Variants in KCNQ5 observed in about 807,000 individuals in gnomAD.
KCNQ5 encodes potassium voltage-gated channel subfamily Q member 5, also known as potassium voltage-gated channel subfamily KQT member 5.
Under a neutral mutation model 98.2 loss-of-function variants are expected in KCNQ5, and 30 were observed. The ratio of observed to expected loss-of-function variants is 0.31; its 90% CI spans 0.23 to 0.41. The LOEUF (loss-of-function observed/expected upper bound fraction) is 0.41. KCNQ5 is among the 10% of genes least tolerant of loss of function. KCNQ5 has a pLI of 1.00. For missense variants in KCNQ5, 835 were observed against 1,182.5 expected (o/e 0.71, Z 4.31); for synonymous variants, 458 against 449.4 (o/e 1.02, Z -0.24).
chr6:72,773,866 TA>T lies in KCNQ5; in HGVS notation c.398+151280del, dbSNP rs764319602. Among the ~76,000 whole-genome samples, 151 of 152,130 alleles carry T rather than the reference TA, an allele frequency of 9.9e-4. 1 individual carries two copies. The highest frequency in any genetic ancestry group is 3.4e-4 in the Non-Finnish European group (23 of 68,032). On this transcript the variant is annotated intron_variant, in intron 1 of 13. Transcript: ENST00000370398. ...ATATTACAAAATATAAGACCTATTATAGAACTGTAGCATTTAAGATAGTGTA... is the reference window on the plus strand; with the variant it reads ...ATATTACAAAATATAAGACCTATTATGAACTGTAGCATTTAAGATAGTGTA...
At chr6:72,737,086 A>G (rs9293905) in intron 1 of KCNQ5, among the ~76,000 whole-genome samples, 56,570 of 151,800 alleles carry the variant, frequency 0.37, 13,985 homozygotes, top group African/African-American at 0.67. Flanking sequence ...TCAGCCTCCC[A>G]AGTAGCTGGG....
chr6:72,980,507 T>G (rs1202741611), intron 1 of KCNQ5, among the ~76,000 whole-genome samples: 1 of 152,198 alleles, frequency 6.6e-6, no homozygotes, highest in Non-Finnish European at 1.5e-5. Flanking sequence ...ATGCTTGTGA[T>G]TTTTGCACAT....
At chr6:73,003,006 T>C (rs1769655380) in intron 1 of KCNQ5, among the ~76,000 whole-genome samples, 1 of 152,116 alleles carries the variant, frequency 6.6e-6, no homozygotes. Context: ...GCTTACTATA[T>C]GAATTTCCCA....
At chr6:72,757,388 G>C (rs2092199045) in intron 1 of KCNQ5, among the ~76,000 whole-genome samples, 2 of 152,134 alleles carry the variant, frequency 1.3e-5, no homozygotes, top group African/African-American at 4.8e-5. Context: ...ATGGGGTTAT[G>C]TCCAGATAAA....
chr6:73,194,367 T>G (rs1028908397), intron 13 of KCNQ5, 85 bp from the exon 14 acceptor site: 2 of 1,247,698 alleles, frequency 1.6e-6, no homozygotes, highest in African/African-American at 1.5e-5. Flanking sequence ...TTGGCACACC[T>G]TGACTTCATT....
intron 1 of KCNQ5, among the ~76,000 whole-genome samples, chr6:72,935,059 T>C (rs1765847420): frequency 6.6e-6 from 1 of 150,750 alleles, no homozygotes; most frequent in Non-Finnish European, 1.5e-5. Flanking sequence ...TTGGCCTTGT[T>C]CTATCTTTTT....
intron 1 of KCNQ5, among the ~76,000 whole-genome samples, chr6:72,658,327 C>T (rs1165448064): frequency 6.6e-6 from 1 of 151,482 alleles, no homozygotes; most frequent in Non-Finnish European, 1.5e-5. Context: ...GTCACCCAGG[C>T]TGGAGTGCAG....
chr6:73,169,883 C>G lies in KCNQ5; in HGVS notation c.1577+29C>G, dbSNP rs117087544. The G allele has an allele frequency of 1.9e-5, 25 of 1,335,080 alleles. No individual in the cohort carries two copies. The East Asian group carries it at 4.4e-4, about 23-fold the overall frequency. The allele number at this position is 1,335,080 out of a possible 1,614,324, so 82.7% of individuals were successfully genotyped here. A position where few individuals can be genotyped will look rare whatever the true frequency, so the allele number is the denominator to read the frequency against. Reference sequence around the variant, plus strand: ...GGTGAAAATCTTGAACAACGTGATTCAGAGACATACTTATGATTAATTGAA... The same window carrying G: ...GGTGAAAATCTTGAACAACGTGATTGAGAGACATACTTATGATTAATTGAA... On this transcript the variant is annotated intron_variant, in intron 11 of 13. Coordinates refer to ENST00000370398, the MANE Select transcript of KCNQ5 (RefSeq NM_019842.4).
At chr6:73,093,827 A>G (rs1819732) in intron 5 of KCNQ5, among the ~76,000 whole-genome samples, 151,088 of 152,202 alleles carry the variant, frequency 0.99, 75,001 homozygotes, top group Middle Eastern at 1. Flanking sequence ...GTGGCCTGTC[A>G]TATGGTCTAC....
intron 3 of KCNQ5, among the ~76,000 whole-genome samples, chr6:73,073,225 C>T (rs1195509951): frequency 1.3e-5 from 2 of 152,138 alleles, no homozygotes; most frequent in Admixed American, 1.3e-4. Context: ...ACCACTTATG[C>T]ATGTTAGTGA....
chr6:73,069,715 G>A (rs1046875101), intron 3 of KCNQ5, among the ~76,000 whole-genome samples: 5 of 152,130 alleles, frequency 3.3e-5, no homozygotes, highest in African/African-American at 4.8e-5. Flanking sequence ...GCAGAAGTGA[G>A]CCAGGTAAAG....
At chr6:72,646,746 G>C (rs949617215) in intron 1 of KCNQ5, among the ~76,000 whole-genome samples, 1 of 152,218 alleles carries the variant, frequency 6.6e-6, no homozygotes, top group Non-Finnish European at 1.5e-5. Flanking sequence ...GCAGGGTGCT[G>C]CCCAAGGGCA....
chr6:73,190,610 G>A lies in KCNQ5; in HGVS notation c.1615G>A (p.Glu539Lys). The change falls in exon 12 of 14, where the codon GAA (glutamate) becomes AAA (lysine). Residue 539 changes from glutamate (E) to lysine (K), a missense_variant. Coordinates refer to ENST00000370398, the MANE Select transcript of KCNQ5 (RefSeq NM_019842.4). ...KFHVAKRKFK[E>K]TLRPYDVKDV... is the part of the protein sequence containing the mutation. ...TCATGTTGCAAAACGGAAGTTTAAG[G>A]AAACATTACGTCCATATGATGTAAA... The A allele has an allele frequency of 6.4e-7, 1 of 1,556,998 alleles. No individual in the cohort carries two copies. Among genetic ancestry groups the A allele is most frequent in the Non-Finnish European group, 8.8e-7 (1 of 1,141,534 alleles).
At chr6:72,905,416 G>A (rs1317327594) in intron 1 of KCNQ5, among the ~76,000 whole-genome samples, 1 of 152,152 alleles carries the variant, frequency 6.6e-6, no homozygotes, top group Non-Finnish European at 1.5e-5. Flanking sequence ...TTGCTGGTGA[G>A]CTAGTGTGAT....
At chr6:72,765,925 A>T (rs62410662) in intron 1 of KCNQ5, among the ~76,000 whole-genome samples, 7,983 of 152,152 alleles carry the variant, frequency 0.052, 256 homozygotes, top group Middle Eastern at 0.1. Flanking sequence ...TAATTCATTC[A>T]TCTGTTTATG....
At chr6:72,809,449 G>A (rs1401339678) in intron 1 of KCNQ5, among the ~76,000 whole-genome samples, 3 of 152,086 alleles carry the variant, frequency 2.0e-5, no homozygotes, top group South Asian at 4.1e-4. Context: ...CTACTCAGGA[G>A]GCTGAGGCAG....
chr6:73,042,977 A>G, intron 3 of KCNQ5: 1 of 180,286 alleles, frequency 5.5e-6, no homozygotes, highest in South Asian at 1.6e-4. Flanking sequence ...ATTTATTTCA[A>G]CTATTTTCAA....
chr6:72,654,153 T>G (rs916816017), intron 1 of KCNQ5, among the ~76,000 whole-genome samples: 4 of 151,826 alleles, frequency 2.6e-5, no homozygotes, highest in African/African-American at 9.7e-5. Flanking sequence ...AGAAATGACA[T>G]CATTGTGTTT....
At chr6:72,654,593 GGCTGAAGACATATCAAGAGAGT>G (rs1387267711) in intron 1 of KCNQ5, among the ~76,000 whole-genome samples, 7 of 152,122 alleles carry the variant, frequency 4.6e-5, no homozygotes, top group African/African-American at 1.7e-4. Flanking sequence ...CAAGACTAGA[GGCTGAAGACATATCAAGAGAGT>G]GCTGCACGAG....
Sources: allele counts gnomAD v4.1 joint callset (sites outside exome capture counted in the v4.1 genomes callset), GRCh38; gene constraint gnomAD v4.1.1; transcripts MANE v1.5; gene names NCBI Gene and HGNC (gene_info 2026-07-23, HGNC 2026-07-21).